The following FAM20B variants were observed in gnomAD, a reference collection of about 807,000 sequenced individuals.
The protein encoded by FAM20B is FAM20B glycosaminoglycan xylosylkinase, also known as glycosaminoglycan xylosylkinase.
In FAM20B, 23 loss-of-function variants were observed where a neutral mutation model predicts 43.8. The observed-to-expected ratio is 0.53, with a 90% confidence interval of 0.38 to 0.74. The LOEUF (loss-of-function observed/expected upper bound fraction) is 0.74. Ranked by LOEUF, FAM20B falls within the 30% of genes least tolerant of loss-of-function variation. The probability of loss-of-function intolerance (pLI) is 0.00; values close to 1 mark genes in which losing one functional copy is unlikely to be tolerated. For missense variants in FAM20B, 440 were observed against 510.5 expected (o/e 0.86, Z 1.33); for synonymous variants, 178 against 192.4 (o/e 0.93, Z 0.62).
At chr1:179,033,588 A>G (rs546105560) in intron 1 of FAM20B, among the ~76,000 whole-genome samples, 2 of 152,334 alleles carry the variant, frequency 1.3e-5, no homozygotes, top group South Asian at 2.1e-4. Flanking sequence ...ACTATCCCCA[A>G]AAGGAGTTGA....
intron 2 of FAM20B, 34 bp downstream of exon 2, chr1:179,044,258 T>C: frequency 6.4e-7 from 1 of 1,558,870 alleles, no homozygotes. Context: ...CATGTGCTAG[T>C]TGGTTGATTC....
chr1:179,046,378 C>T (rs939029663), intron 2 of FAM20B, among the ~76,000 whole-genome samples: 9 of 152,272 alleles, frequency 5.9e-5, no homozygotes, highest in South Asian at 2.1e-4. Context: ...TGGCCGGGCA[C>T]GGTGGCTCAC....
In FAM20B at chr1:179,062,972, T is replaced by C. The variant is rs540925289; in HGVS notation, c.575-955T>C. Among the ~76,000 whole-genome samples, 12 of 152,208 alleles carry C rather than the reference T, an allele frequency of 7.9e-5. No individual in the cohort carries two copies. In the South Asian group the frequency reaches 2.5e-3, roughly 32 times the overall value. On this transcript the variant is annotated intron_variant, in intron 4 of 7. Transcript: ENST00000263733. ...TAATGAAGAAGAGGAGGATGTTACT[T>C]TCCTTTAATTAAAGTGAGTTCAGGC...
rs1652061567 is a variant in FAM20B at position 179,074,650 on chromosome 1, C to T, written c.*2506C>T. ...TTTTATTCCCATCTGTTTTCAAACTCGTGATCTTAAAAGGCATTCTGATGA... is the reference window on the plus strand; with the variant it reads ...TTTTATTCCCATCTGTTTTCAAACTTGTGATCTTAAAAGGCATTCTGATGA... On this transcript the variant is annotated 3_prime_UTR_variant, in exon 8 of 8. Transcript: ENST00000263733. 6.6e-6 allele frequency: 1 copy of T among 152,128 alleles called. No homozygotes were observed. Among genetic ancestry groups the T allele is most frequent in the South Asian group, 2.1e-4 (1 of 4,824 alleles). The allele number at this position is 152,128 out of a possible 1,614,324, so 9.4% of individuals were successfully genotyped here. A position where few individuals can be genotyped will look rare whatever the true frequency, so the allele number is the denominator to read the frequency against.
upstream of FAM20B, among the ~76,000 whole-genome samples, chr1:179,020,934 G>A (rs1649593731): frequency 6.6e-6 from 1 of 152,190 alleles, no homozygotes; most frequent in Admixed American, 6.5e-5. Context: ...AGCCAGGCAT[G>A]GTGGCGCACG....
At chr1:179,017,460 T>G in the FAM20B span, among the ~76,000 whole-genome samples, 1 of 152,292 alleles carries the variant, frequency 6.6e-6, no homozygotes, top group South Asian at 2.1e-4. Context: ...GACTACAAAC[T>G]GTTGGATATT....
At chr1:179,030,776 C>G in intron 1 of FAM20B, among the ~76,000 whole-genome samples, 1 of 151,932 alleles carries the variant, frequency 6.6e-6, no homozygotes, top group East Asian at 1.9e-4. Context: ...TCAGATGCCT[C>G]TTACAGGCCC....
intron 4 of FAM20B, among the ~76,000 whole-genome samples, chr1:179,062,478 C>T (rs111678984): frequency 0.085 from 12,923 of 151,730 alleles, 590 homozygotes; most frequent in Middle Eastern, 0.12. Context: ...TGGTGAAACC[C>T]CATCTCTAAT....
At chr1:179,041,446 G>A (rs1650527887) in intron 1 of FAM20B, among the ~76,000 whole-genome samples, 1 of 152,116 alleles carries the variant, frequency 6.6e-6, no homozygotes, top group Admixed American at 6.5e-5. Context: ...TCGCGGTTAG[G>A]AGCTGGAGAC....
chr1:179,070,972 G>A (rs1354937131), intron 7 of FAM20B, among the ~76,000 whole-genome samples: 1 of 151,962 alleles, frequency 6.6e-6, no homozygotes, highest in Non-Finnish European at 1.5e-5. Context: ...GGTAGCAGTT[G>A]GTGAAATAAG....
chr1:179,050,175 T>G, intron 2 of FAM20B, 104 bp from the exon 3 acceptor site: 2 of 750,920 alleles, frequency 2.7e-6, no homozygotes, highest in Non-Finnish European at 4.7e-6. Context: ...AGAAGGTGAC[T>G]ATAGCAGAAT....
chr1:179,069,647 C>T (rs575799897), intron 7 of FAM20B, among the ~76,000 whole-genome samples: 42 of 152,300 alleles, frequency 2.8e-4, no homozygotes, highest in Admixed American at 8.5e-4. Context: ...GCTGGGATTA[C>T]AGGCATGAGC....
intron 1 of FAM20B, among the ~76,000 whole-genome samples, chr1:179,032,845 A>G (rs1650069635): frequency 6.6e-6 from 1 of 152,212 alleles, no homozygotes; most frequent in African/African-American, 2.4e-5. Context: ...CTCAGCATTT[A>G]CTGAGATAAT....
At chr1:179,017,447 C>T in the FAM20B span, among the ~76,000 whole-genome samples, 1 of 152,084 alleles carries the variant, frequency 6.6e-6, no homozygotes, top group Non-Finnish European at 1.5e-5. Flanking sequence ...ACTTTTTTTT[C>T]ATGACTACAA....
In FAM20B at chr1:179,072,257, G is replaced by T; in HGVS notation, c.*113G>T. 1.2e-6 allele frequency: 1 copy of T among 803,678 alleles called. No individual in the cohort carries two copies. The allele number at this position is 803,678 out of a possible 1,614,324, so 49.8% of individuals were successfully genotyped here. A position where few individuals can be genotyped will look rare whatever the true frequency, so the allele number is the denominator to read the frequency against. On this transcript the variant is annotated 3_prime_UTR_variant, in exon 8 of 8. Transcript: ENST00000263733. ...TGGCCAGCAGCAAGTTCTGGTGACG[G>T]GACAGAGTGGCCTTGGATGTCTTTG...
intron 1 of FAM20B, among the ~76,000 whole-genome samples, chr1:179,040,318 G>T (rs1452063304): frequency 6.6e-6 from 1 of 151,896 alleles, no homozygotes; most frequent in East Asian, 1.9e-4. Context: ...GCCGGGCAGA[G>T]GCGCCCCTCA....
chr1:179,061,053 G>A lies in FAM20B; in HGVS notation c.575-2874G>A, dbSNP rs368191097. The stretch of plus-strand genomic sequence containing the variant: ...TAGGGCATATAGTCTTTTGTGACAT[G>A]AGATGTAAATACTCTTTGTCGAATT... On this transcript the variant is annotated intron_variant, in intron 4 of 7. Coordinates refer to ENST00000263733, the MANE Select transcript of FAM20B (RefSeq NM_014864.4). Among the ~76,000 whole-genome samples, 36 of 149,840 alleles carry A rather than the reference G, an allele frequency of 2.4e-4. 2 individuals carry two copies. The South Asian group carries it at 7.6e-3, about 32-fold the overall frequency.
chr1:179,029,399 G>A lies in FAM20B; in HGVS notation c.-134+3301G>A, dbSNP rs536654292. On this transcript the variant is annotated intron_variant, in intron 1 of 7. Coordinates refer to ENST00000263733, the MANE Select transcript of FAM20B (RefSeq NM_014864.4). ...ACTAACTTACAATGTCAGCATGACT[G>A]CTCGAGCTGCCTAGAAGAGAAAATA... Among the ~76,000 whole-genome samples, 21 of 152,348 alleles carry A rather than the reference G, an allele frequency of 1.4e-4. No individual in the cohort carries two copies. In the South Asian group the frequency reaches 3.1e-3, roughly 23 times the overall value.
intron 1 of FAM20B, among the ~76,000 whole-genome samples, chr1:179,029,934 C>T (rs907577397): frequency 2.6e-5 from 4 of 152,074 alleles, no homozygotes; most frequent in Non-Finnish European, 5.9e-5. Flanking sequence ...ATGAGATGAT[C>T]GAAAAATGTA....
Sources: allele counts gnomAD v4.1 joint callset (sites outside exome capture counted in the v4.1 genomes callset), GRCh38; gene constraint gnomAD v4.1.1; transcripts MANE v1.5; gene names NCBI Gene and HGNC (gene_info 2026-07-23, HGNC 2026-07-21).